Variants in COL4A1 observed in about 807,000 individuals in gnomAD.
The protein encoded by COL4A1 is collagen type IV alpha 1 chain.
COL4A1 carries 40 observed loss-of-function variants against 216.6 expected under a neutral mutation model. The ratio of observed to expected loss-of-function variants is 0.18; its 90% CI spans 0.14 to 0.24. The LOEUF (loss-of-function observed/expected upper bound fraction) is 0.24. Among genes scored for constraint, COL4A1 ranks in the 10% least tolerant of loss-of-function variants. The pLI is 1.00. For missense variants in COL4A1, 1,628 were observed against 2,196.8 expected (o/e 0.74, Z 5.18); for synonymous variants, 839 against 810.7 (o/e 1.03, Z -0.59).
At position 110,169,497 on chromosome 13, in the gene COL4A1, A is replaced by AACACACACACACACACAC. The variant is rs3832901; in HGVS notation, c.3876+114_3876+131dup. ...TGATTTAGTGGGGATGTGGGAGTGTAACACACACACACACACACACACACA... is the reference window on the plus strand; with the variant it reads ...TGATTTAGTGGGGATGTGGGAGTGTAACACACACACACACACACACACACACACACACACACACACACA... On this transcript the variant is annotated intron_variant, in intron 43 of 51. Transcript: ENST00000375820. 6.6e-5 allele frequency: 78 copies of AACACACACACACACACAC among 1,184,868 alleles called. No individual in the cohort carries two copies. The African/African-American group carries it at 8.7e-4, about 13-fold the overall frequency. The allele number at this position is 1,184,868 out of a possible 1,614,324, so 73.4% of individuals were successfully genotyped here.
At chr13:110,253,408 GTATTACATATACATATAATTATAT>G (rs1882314156) in intron 1 of COL4A1, among the ~76,000 whole-genome samples, 1 of 3,740 alleles carries the variant, frequency 2.7e-4, no homozygotes, top group African/African-American at 3.8e-4. Flanking sequence ...ATAATTATAT[GTATTACATATACATATAATTATAT>G]GTATTACATA....
intron 24 of COL4A1, among the ~76,000 whole-genome samples, chr13:110,187,745 G>T (rs941370618): frequency 6.6e-6 from 1 of 152,094 alleles, no homozygotes; most frequent in African/African-American, 2.4e-5. Flanking sequence ...AAGAACAATC[G>T]CTGTCCTCAG....
chr13:110,282,027 C>T (rs1414557942), intron 1 of COL4A1, among the ~76,000 whole-genome samples: 1 of 152,212 alleles, frequency 6.6e-6, no homozygotes, highest in African/African-American at 2.4e-5. Context: ...TACCATTATC[C>T]ACCTAGTCTT....
chr13:110,180,095 T>C (rs1348491455), intron 29 of COL4A1, among the ~76,000 whole-genome samples: 2 of 152,324 alleles, frequency 1.3e-5, no homozygotes, highest in African/African-American at 4.8e-5. Flanking sequence ...ATTTGGACAT[T>C]AGTGGGCAGT....
intron 21 of COL4A1, among the ~76,000 whole-genome samples, chr13:110,198,078 G>GTGTGTGTGTGTGTGTGTGTGTGTGT (rs1555305317): frequency 2.1e-5 from 3 of 141,934 alleles, no homozygotes; most frequent in East Asian, 4.2e-4. Flanking sequence ...TTGTTTCTGG[G>GTGTGTGTGTGTGTGTGTGTGTGTGT]GTGTGTGTGT....
At chr13:110,177,105 T>G (rs983030521) in intron 33 of COL4A1, 68 bp from the exon 34 acceptor site, 1 of 1,602,858 alleles carries the variant, frequency 6.2e-7, no homozygotes, top group African/African-American at 1.3e-5. Context: ...AAGGCTCACG[T>G]TCTTGTTGAC....
intron 1 of COL4A1, among the ~76,000 whole-genome samples, chr13:110,289,280 T>C (rs545675058): frequency 2.6e-5 from 4 of 151,882 alleles, no homozygotes; most frequent in South Asian, 2.1e-4. Flanking sequence ...GTTCCAGCTC[T>C]AGCACGATCC....
intron 2 of COL4A1, among the ~76,000 whole-genome samples, chr13:110,226,748 C>G (rs1880753288): frequency 6.6e-6 from 1 of 152,148 alleles, no homozygotes; most frequent in South Asian, 2.1e-4. Flanking sequence ...AAGTAAACAC[C>G]ATTAATTCCT....
intron 1 of COL4A1, among the ~76,000 whole-genome samples, chr13:110,294,216 G>A (rs907522386): frequency 1.3e-5 from 2 of 152,204 alleles, no homozygotes; most frequent in African/African-American, 4.8e-5. Context: ...GGTCTGAGGT[G>A]TGTCCCTGAT....
At chr13:110,212,789 T>A (rs1254676382) in intron 4 of COL4A1, among the ~76,000 whole-genome samples, 171 bp from the exon 5 acceptor site, 1 of 152,170 alleles carries the variant, frequency 6.6e-6, no homozygotes, top group Non-Finnish European at 1.5e-5. Context: ...CTAGGGCAGA[T>A]GGCCCAGGCT....
chr13:110,183,375 C>A (rs1488424756), intron 26 of COL4A1, 99 bp from the exon 27 acceptor site: 9 of 1,118,276 alleles, frequency 8.0e-6, no homozygotes, highest in Admixed American at 7.9e-5. Flanking sequence ...CACATCCTAC[C>A]CAGCACCACG....
chr13:110,157,876 C>T (rs987332584), intron 49 of COL4A1, among the ~76,000 whole-genome samples: 12 of 152,162 alleles, frequency 7.9e-5, no homozygotes, highest in Non-Finnish European at 1.5e-4. Flanking sequence ...GTCTCAGACA[C>T]ACAGCTTCTC....
rs528542957 is a variant in COL4A1, at chr13:110,241,241, C to T, written c.144+1434G>A. On this transcript the variant is annotated intron_variant, in intron 2 of 51. Coordinates refer to ENST00000375820, the MANE Select transcript of COL4A1 (RefSeq NM_001845.6). ...TGTAAAGCTCCAGAGCCAGGAGGGG[C>T]CGCCAAGGCCTGCCGGCTGGACAGA... Among the ~76,000 whole-genome samples, 161 of 152,272 alleles carry T rather than the reference C, an allele frequency of 1.1e-3. 4 individuals are homozygous for T. The South Asian group carries it at 0.031, about 30-fold the overall frequency.
At chr13:110,217,720 T>C (rs931434079) in intron 2 of COL4A1, among the ~76,000 whole-genome samples, 1 of 152,162 alleles carries the variant, frequency 6.6e-6, no homozygotes, top group East Asian at 1.9e-4. Context: ...TGACTACTGC[T>C]GTGTCCCCAA....
chr13:110,237,432 T>C (rs1219304405), intron 2 of COL4A1, among the ~76,000 whole-genome samples: 1 of 152,296 alleles, frequency 6.6e-6, no homozygotes, highest in South Asian at 2.1e-4. Flanking sequence ...GATATATTTA[T>C]GTCACGACTG....
chr13:110,268,702 C>T lies in COL4A1; in HGVS notation c.85-25968G>A, dbSNP rs61100167. Among the ~76,000 whole-genome samples, 2,768 of 152,286 alleles carry T rather than the reference C, an allele frequency of 0.018. 75 individuals carry two copies. Among genetic ancestry groups the T allele is most frequent in the African/African-American group, 0.063 (2,629 of 41,538 alleles). On this transcript the variant is annotated intron_variant, in intron 1 of 51. Transcript: ENST00000375820. This position sits in a 1 kb window ranked among gnomAD's most constrained non-coding sequence, Gnocchi z 4.1. Reference sequence around the variant, plus strand: ...AAACCCGGGTGCCTTGTCCATGACCCCATGTGGGAATGACACCTGCCTCTT... The same window carrying T: ...AAACCCGGGTGCCTTGTCCATGACCTCATGTGGGAATGACACCTGCCTCTT...
At position 110,241,100 on chromosome 13, in the gene COL4A1, C is replaced by T. The variant is rs532624255; in HGVS notation, c.144+1575G>A. Among the ~76,000 whole-genome samples the T allele has an allele frequency of 1.6e-3, 238 of 152,296 alleles. 1 individual carries two copies. Among genetic ancestry groups the T allele is most frequent in the African/African-American group, 5.4e-3 (226 of 41,562 alleles). ...GGCCAGGATGGTCTCAAACTCCTGA[C>T]TTCCAGTGATCCTCCTGCCTCAGCC... On this transcript the variant is annotated intron_variant, in intron 2 of 51. Transcript: ENST00000375820.
At chr13:110,185,441 G>A (rs1464054805) in intron 26 of COL4A1, among the ~76,000 whole-genome samples, 1 of 152,200 alleles carries the variant, frequency 6.6e-6, no homozygotes, top group Non-Finnish European at 1.5e-5. Context: ...ACCGCACCTG[G>A]CCCCAGCTAC....
At chr13:110,270,559 C>G (rs537129595) in intron 1 of COL4A1, among the ~76,000 whole-genome samples, 52 of 152,304 alleles carry the variant, frequency 3.4e-4, no homozygotes, top group African/African-American at 1.2e-3. Context: ...ATTGTAGGGT[C>G]GTTTCATGGC....
Sources: allele counts gnomAD v4.1 joint callset (sites outside exome capture counted in the v4.1 genomes callset), GRCh38; gene constraint gnomAD v4.1.1; non-coding constraint Gnocchi (gnomAD v3.1); transcripts MANE v1.5; gene names NCBI Gene and HGNC (gene_info 2026-07-23, HGNC 2026-07-21).